METTL25: variants seen among roughly 807,000 people sequenced by gnomAD.
METTL25 encodes probable methyltransferase-like protein 25.
In METTL25, 64 loss-of-function variants were observed where a neutral mutation model predicts 71.6. The observed-to-expected ratio is 0.89, with a 90% confidence interval of 0.73 to 1.10. The LOEUF is 1.10. Among genes scored for constraint, METTL25 ranks in the 50% least tolerant of loss-of-function variants. METTL25 has a pLI of 0.00. For synonymous variants in METTL25, 287 were observed against 250.3 expected, an observed-to-expected ratio of 1.15 and a Z score of -1.38; for missense variants, 807 against 707.0, an observed-to-expected ratio of 1.14 and a Z score of -1.60.
Position 82,399,701 on chromosome 12 carries a change from A to G in METTL25, c.1131+307A>G, listed in dbSNP as rs148610567. 2.6e-3 allele frequency among the ~76,000 whole-genome samples: 389 copies of G among 152,262 alleles called. 2 individuals carry two copies. The highest frequency in any genetic ancestry group is 8.8e-3 in the African/African-American group (367 of 41,558). On this transcript the variant is annotated intron_variant, in intron 4 of 11. Coordinates refer to ENST00000248306, the MANE Select transcript of METTL25 (RefSeq NM_032230.3). ...TTGTTAAAATTCTAAACAAGTAGTT[A>G]AATTTTAATTTAAATTTGAAGTAAA...
At chr12:82,419,986 A>G (rs1333015230) in intron 5 of METTL25, among the ~76,000 whole-genome samples, 3 of 152,130 alleles carry the variant, frequency 2.0e-5, no homozygotes, top group Non-Finnish European at 4.4e-5. Flanking sequence ...ATAAATGGAT[A>G]AAGAAACTGT....
intron 9 of METTL25, among the ~76,000 whole-genome samples, chr12:82,474,926 G>T (rs909408515): frequency 4.6e-5 from 7 of 152,168 alleles, no homozygotes; most frequent in Non-Finnish European, 7.4e-5. Flanking sequence ...GATGCAGAAA[G>T]ATGCCAAGAG....
chr12:82,399,431 A>G (rs1397349118), intron 4 of METTL25, 37 bp downstream of exon 4: 2 of 1,448,564 alleles, frequency 1.4e-6, no homozygotes, highest in Non-Finnish European at 9.3e-7. Flanking sequence ...TTGATTTACA[A>G]AAACATTGTA....
intron 3 of METTL25, among the ~76,000 whole-genome samples, chr12:82,394,900 GAAC>G (rs975064515): frequency 6.6e-6 from 1 of 151,722 alleles, no homozygotes; most frequent in Non-Finnish European, 1.5e-5. Flanking sequence ...CTTATAGAGG[GAAC>G]AACAAGTTCA....
At position 82,391,391 on chromosome 12, in the gene METTL25, T is replaced by C. The variant is rs1008412674; in HGVS notation, c.531+1469T>C. On this transcript the variant is annotated intron_variant, in intron 3 of 11. Transcript: ENST00000248306. Reference sequence around the variant, plus strand: ...TTTCTTTTTATTAAAAATATAATGATGTATCACTGTGTAAGATTTATTTAC... The same window carrying C: ...TTTCTTTTTATTAAAAATATAATGACGTATCACTGTGTAAGATTTATTTAC... 1.1e-4 allele frequency among the ~76,000 whole-genome samples: 16 copies of C among 152,174 alleles called. No homozygotes were observed. In the East Asian group the frequency reaches 3.1e-3, roughly 29 times the overall value.
chr12:82,401,751 G>T (rs1030028697), intron 4 of METTL25, among the ~76,000 whole-genome samples: 11 of 152,046 alleles, frequency 7.2e-5, no homozygotes, highest in African/African-American at 2.6e-4. Context: ...AGAACACTTT[G>T]AGAGACATGA....
intron 9 of METTL25, among the ~76,000 whole-genome samples, chr12:82,472,579 T>C (rs1424805124): frequency 6.6e-6 from 1 of 152,058 alleles, no homozygotes; most frequent in African/African-American, 2.4e-5. Context: ...GCCTGGGCAA[T>C]AGAGTGAGAC....
intron 11 of METTL25, among the ~76,000 whole-genome samples, chr12:82,477,767 T>C (rs1236112390): frequency 6.6e-6 from 1 of 151,842 alleles, no homozygotes. Flanking sequence ...TTCTTTCTGA[T>C]CAAGGAAGAT....
chr12:82,412,217 T>C (rs1480479108), intron 5 of METTL25, among the ~76,000 whole-genome samples: 1 of 152,142 alleles, frequency 6.6e-6, no homozygotes, highest in Non-Finnish European at 1.5e-5. Context: ...GTTAGTATTT[T>C]TTCCTTAATA....
rs1008130595 is a variant in METTL25 at position 82,434,829 on chromosome 12, T to G, written c.1404+105T>G. 6.5e-6 allele frequency: 6 copies of G among 920,646 alleles called. No homozygotes were observed. In the African/African-American group the frequency reaches 9.9e-5, roughly 15 times the overall value. 57.0% of individuals were successfully genotyped at this position (920,646 alleles called of 1,614,324 possible). A position where few individuals can be genotyped will look rare whatever the true frequency, so the allele number is the denominator to read the frequency against. On this transcript the variant is annotated intron_variant, in intron 7 of 11. Transcript: ENST00000248306. ...AACCTAATGGAATTTAATAAATATC[T>G]TGTCCCAGATGCATATTCAAATTTG... is the stretch of plus-strand genomic sequence containing the variant.
At chr12:82,425,555 C>T (rs1486004106) in intron 5 of METTL25, among the ~76,000 whole-genome samples, 1 of 152,076 alleles carries the variant, frequency 6.6e-6, no homozygotes, top group African/African-American at 2.4e-5. Flanking sequence ...TATTTTTTAA[C>T]CCATTGTGTT....
chr12:82,382,805 T>C (rs1884570843), intron 1 of METTL25, among the ~76,000 whole-genome samples: 1 of 152,064 alleles, frequency 6.6e-6, no homozygotes, highest in Admixed American at 6.6e-5. Flanking sequence ...AGCTTCGACT[T>C]TGCAGGCTCA....
At chr12:82,469,070 C>T (rs751132111) in intron 9 of METTL25, 1 of 152,212 alleles carries the variant, frequency 6.6e-6, no homozygotes, top group South Asian at 2.1e-4. Flanking sequence ...ACACATTCTT[C>T]AAATTGCCTT....
At chr12:82,468,527 A>AGT (rs1392638465) in intron 9 of METTL25, 1 of 153,384 alleles carries the variant, frequency 6.5e-6, no homozygotes, top group Non-Finnish European at 1.5e-5. Flanking sequence ...TTTAGGTACA[A>AGT]GTGAGTAGAG....
chr12:82,394,254 G>A (rs1284841968), intron 3 of METTL25, among the ~76,000 whole-genome samples: 1 of 151,936 alleles, frequency 6.6e-6, no homozygotes, highest in Non-Finnish European at 1.5e-5. Flanking sequence ...CCTACTTTCT[G>A]TTTGGATGAT....
Position 82,456,773 on chromosome 12 carries a change from G to C in METTL25, c.1525G>C (p.Asp509His). The C allele has an allele frequency of 6.2e-7, 1 of 1,603,456 alleles. No homozygotes were observed. Among genetic ancestry groups the C allele is most frequent in the Non-Finnish European group, 8.5e-7 (1 of 1,174,398 alleles). The change falls in exon 9 of 12, where the codon GAT (aspartate) becomes CAT (histidine). Residue 509 changes from aspartate (D) to histidine (H), a missense_variant. By Grantham distance (81) the Asp-to-His change is moderately conservative. Transcript: ENST00000248306. ...TTATTCCAAATGTTCTTCTTTTCTGGATTATGTCAGACGGTCTCTAAAGAA... is the reference window on the plus strand; with the variant it reads ...TTATTCCAAATGTTCTTCTTTTCTGCATTATGTCAGACGGTCTCTAAAGAA... ...KIYSKCSSFL[D>H]YVRRSLKKLG... is the part of the protein sequence containing the mutation.
intron 8 of METTL25, among the ~76,000 whole-genome samples, chr12:82,452,268 T>A (rs1891201489): frequency 6.6e-6 from 1 of 152,182 alleles, no homozygotes; most frequent in South Asian, 2.1e-4. Context: ...TTGTGAATAA[T>A]CCTATTCTGC....
At position 82,387,002 on chromosome 12, in the gene METTL25, T is replaced by C. The variant is rs1250446489; in HGVS notation, c.424+35T>C. The C allele has an allele frequency of 2.6e-6, 4 of 1,546,518 alleles. No individual in the cohort carries two copies. The East Asian group carries it at 6.8e-5, about 26-fold the overall frequency. On this transcript the variant is annotated intron_variant, in intron 2 of 11. Transcript: ENST00000248306. ...TTTATGTGTGTGTATGTGTGCTTTT[T>C]AGGTACTTAGAAGCAATACTTTGTT...
At chr12:82,442,543 A>C (rs938787137) in intron 8 of METTL25, among the ~76,000 whole-genome samples, 2 of 152,164 alleles carry the variant, frequency 1.3e-5, no homozygotes, top group Non-Finnish European at 2.9e-5. Context: ...ATAGAATGAC[A>C]AGGTATTAGT....
Sources: allele counts gnomAD v4.1 joint callset (sites outside exome capture counted in the v4.1 genomes callset), GRCh38; gene constraint gnomAD v4.1.1; transcripts MANE v1.5; gene names NCBI Gene and HGNC (gene_info 2026-07-23, HGNC 2026-07-21).